Variants in ZNF451 observed in about 807,000 individuals in gnomAD.
The protein encoded by ZNF451 is zinc finger protein 451.
A neutral mutation model predicts 107.1 loss-of-function variants in ZNF451; 80 were observed. The observed-to-expected ratio is 0.75, with a 90% CI of 0.62 to 0.90. The LOEUF (loss-of-function observed/expected upper bound fraction) is 0.90, where lower values mean the gene tolerates loss of function less well. Ranked by LOEUF, ZNF451 falls within the 40% of genes least tolerant of loss-of-function variation. ZNF451 has a pLI of 0.00. For missense variants in ZNF451, 1,107 were observed against 1,236.2 expected, an observed-to-expected ratio of 0.90 and a Z score of 1.57; for synonymous variants, 362 against 406.5, an observed-to-expected ratio of 0.89 and a Z score of 1.32.
chr6:57,148,408 G>A lies in ZNF451; in HGVS notation c.2323G>A (p.Val775Met). ...LTDMNTHIHQ[V>M]HKEKSDEEEQ... ...CGACATGAACACTCATATCCATCAAGTGCACAAAGAAAAGAGTGATGAGGA... is the reference window on the plus strand; with the variant it reads ...CGACATGAACACTCATATCCATCAAATGCACAAAGAAAAGAGTGATGAGGA... Residue 775 changes from valine to methionine, a missense_variant, in exon 10 of 15, where the codon GTG (valine) becomes ATG (methionine). Coordinates refer to ENST00000370706, the MANE Select transcript of ZNF451 (RefSeq NM_001031623.3). The A allele has an allele frequency of 1.2e-6, 2 of 1,613,914 alleles. No individual in the cohort carries two copies. The highest frequency in any genetic ancestry group is 1.7e-6 in the Non-Finnish European group (2 of 1,179,900).
chr6:57,102,719 T>C (rs1265320410), intron 3 of ZNF451: 1 of 985,312 alleles, frequency 1.0e-6, no homozygotes, highest in African/African-American at 1.7e-5. Flanking sequence ...TTTTGCCAAA[T>C]CCAGTTTGCT....
In ZNF451 at chr6:57,169,221, A is replaced by G. The variant is rs1467280993; in HGVS notation, c.*752A>G. 1 of 152,176 alleles carries G rather than the reference A, an allele frequency of 6.6e-6. No individual in the cohort carries two copies. Among genetic ancestry groups the G allele is most frequent in the Non-Finnish European group, 1.5e-5 (1 of 67,992 alleles). The allele number at this position is 152,176 out of a possible 1,614,324, so 9.4% of individuals were successfully genotyped here. A position where few individuals can be genotyped will look rare whatever the true frequency, so the allele number is the denominator to read the frequency against. On this transcript the variant is annotated 3_prime_UTR_variant, in exon 15 of 15. Coordinates refer to ENST00000370706, the MANE Select transcript of ZNF451 (RefSeq NM_001031623.3). Reference sequence around the variant, plus strand: ...GAATATTTGCATAAAATTATTTTTCATAACAGTCCTTTTTTATATATTGGT... The same window carrying G: ...GAATATTTGCATAAAATTATTTTTCGTAACAGTCCTTTTTTATATATTGGT...
At chr6:57,167,178 T>C (rs570980993) in intron 14 of ZNF451, among the ~76,000 whole-genome samples, 22 of 150,542 alleles carry the variant, frequency 1.5e-4, no homozygotes, top group Admixed American at 3.3e-4. Context: ...ATTTCGTATA[T>C]ATATACACAC....
intron 7 of ZNF451, among the ~76,000 whole-genome samples, chr6:57,138,484 G>A (rs1831550539): frequency 6.6e-6 from 1 of 151,244 alleles, no homozygotes; most frequent in South Asian, 2.1e-4. Context: ...GGCTGGTCTC[G>A]AGCTCCTGAC....
chr6:57,155,592 G>T (rs1221651958), intron 13 of ZNF451, among the ~76,000 whole-genome samples: 1 of 152,082 alleles, frequency 6.6e-6, no homozygotes, highest in Non-Finnish European at 1.5e-5. Context: ...GCCGCACAAG[G>T]CCAACCTCCC....
intron 7 of ZNF451, among the ~76,000 whole-genome samples, chr6:57,140,461 C>T (rs1472245319): frequency 6.6e-6 from 1 of 151,988 alleles, no homozygotes; most frequent in Non-Finnish European, 1.5e-5. Flanking sequence ...ATATTACTGC[C>T]AGGCTCATTC....
Position 57,147,977 on chromosome 6 carries a change from A to G in ZNF451, c.1892A>G (p.His631Arg), listed in dbSNP as rs749043131. 5 of 1,614,044 alleles carry G rather than the reference A, an allele frequency of 3.1e-6. No homozygotes were observed. Among genetic ancestry groups the G allele is most frequent in the Non-Finnish European group, 4.2e-6 (5 of 1,179,986 alleles). ...CAGCACTGCATGTCTTTGGCAAGCC[A>G]CAAGTTTCATAGATACAGCTGTGCT... ...VKQHCMSLASHKFHRYSCAHC... is the reference protein window; with the variant it reads ...VKQHCMSLASRKFHRYSCAHC... The change falls in exon 10 of 15, where the codon CAC becomes CGC. Residue 631 changes from histidine (H) to arginine (R), a missense_variant. By Grantham distance (29) the His-to-Arg change is conservative. Transcript: ENST00000370706.
At chr6:57,162,008 G>T (rs750777883) in intron 14 of ZNF451, among the ~76,000 whole-genome samples, 11 of 152,098 alleles carry the variant, frequency 7.2e-5, no homozygotes, top group African/African-American at 1.2e-4. Context: ...CTTTACTTTG[G>T]TTTTTCTATA....
chr6:57,130,268 G>A (rs1831122795), intron 5 of ZNF451, among the ~76,000 whole-genome samples: 1 of 152,126 alleles, frequency 6.6e-6, no homozygotes, highest in Admixed American at 6.6e-5. Context: ...TGGCACTCCA[G>A]ATCTACTTTG....
chr6:57,102,113 CA>C, intron 3 of ZNF451: 1 of 1,478,130 alleles, frequency 6.8e-7, no homozygotes, highest in South Asian at 1.4e-5. Flanking sequence ...GTTTAATGTT[CA>C]GCAGAGTAGT....
intron 3 of ZNF451, among the ~76,000 whole-genome samples, chr6:57,120,473 A>G (rs1433899643): frequency 1.3e-5 from 2 of 152,338 alleles, no homozygotes; most frequent in East Asian, 3.9e-4. Flanking sequence ...GAAACTGCCA[A>G]ACTGTTTTTC....
chr6:57,160,284 T>TCTCCC (rs549434606), intron 13 of ZNF451, among the ~76,000 whole-genome samples: 5 of 151,900 alleles, frequency 3.3e-5, no homozygotes, highest in African/African-American at 7.3e-5. Flanking sequence ...TCTTTTGTTT[T>TCTCCC]CTCCCCTCCC....
chr6:57,096,380 T>G (rs1829313990), intron 2 of ZNF451, among the ~76,000 whole-genome samples: 1 of 151,416 alleles, frequency 6.6e-6, no homozygotes, highest in Admixed American at 6.6e-5. Flanking sequence ...GAGACAGGGT[T>G]TTACCATGTT....
chr6:57,151,943 T>A (rs1254075633), intron 11 of ZNF451: 8 of 308,770 alleles, frequency 2.6e-5, no homozygotes, highest in Non-Finnish European at 4.8e-5. Context: ...TATAGAATAA[T>A]GCCATTCAAA....
chr6:57,120,772 G>T lies in ZNF451; in HGVS notation c.187-3962G>T, dbSNP rs547087143. ...CTTATTGTTCAGTGTTGAGTTCTTT[G>T]TACATATTGGATTACAGTCCTTTAT... On this transcript the variant is annotated intron_variant, in intron 3 of 14. Coordinates refer to ENST00000370706, the MANE Select transcript of ZNF451 (RefSeq NM_001031623.3). Among the ~76,000 whole-genome samples the T allele has an allele frequency of 1.2e-3, 182 of 152,146 alleles. 1 individual carries two copies. The highest frequency in any genetic ancestry group is 2.3e-3 in the Non-Finnish European group (155 of 67,968).
In ZNF451 at chr6:57,147,887, C is replaced by T; in HGVS notation, c.1802C>T (p.Ser601Phe). ...TVIDHSPANS[S>F]PRGKWQCRIC... is the part of the protein sequence containing the mutation. ...ATTGATCATTCCCCGGCAAATAGTT[C>T]TCCGAGGGGTAAATGGCAATGCCGG... The change falls in exon 10 of 15, where the codon TCT becomes TTT. Residue 601 changes from serine (S) to phenylalanine (F), a missense_variant. Physicochemically the swap from Ser to Phe is radical, Grantham distance 155 (BLOSUM62 -2). This residue lies in a region of ZNF451 where 608 missense variants were observed against 649.2 expected (regional missense o/e 0.94). Transcript: ENST00000370706. 1.2e-6 allele frequency: 2 copies of T among 1,614,138 alleles called. No individual in the cohort carries two copies. The highest frequency in any genetic ancestry group is 1.7e-6 in the Non-Finnish European group (2 of 1,179,970).
intron 3 of ZNF451, among the ~76,000 whole-genome samples, chr6:57,111,084 T>G: frequency 6.6e-6 from 1 of 151,938 alleles, no homozygotes; most frequent in East Asian, 1.9e-4. Context: ...CATTCCTGGC[T>G]AATTTTTTGT....
intron 3 of ZNF451, 153 bp from the exon 4 acceptor site, chr6:57,124,581 C>T: frequency 4.2e-6 from 3 of 707,028 alleles, no homozygotes; most frequent in East Asian, 2.7e-5. Flanking sequence ...ATTGACAGAC[C>T]TACAAAATAC....
At chr6:57,095,809 TTTTTTTTG>T (rs2127933036) in intron 2 of ZNF451, among the ~76,000 whole-genome samples, 1 of 149,552 alleles carries the variant, frequency 6.7e-6, no homozygotes, top group African/African-American at 2.5e-5. Context: ...CTGCAGCTTT[TTTTTTTTG>T]TTGTTGTTGT....
Sources: gnomAD v4.1 joint callset for allele counts (sites outside exome capture counted in the v4.1 genomes callset) on GRCh38, gnomAD v4.1.1 for gene constraint, gnomAD v4.1.1 regional missense constraint, MANE v1.5 for transcripts, NCBI Gene and HGNC (gene_info 2026-07-23, HGNC 2026-07-21) for gene names.